PTER: variants seen among roughly 807,000 people sequenced by gnomAD.
The protein encoded by PTER is phosphotriesterase related, also known as N-acetyltaurine hydrolase.
Under a neutral mutation model 29.6 loss-of-function variants are expected in PTER, and 38 were observed. The ratio of observed to expected loss-of-function variants is 1.28; its 90% CI spans 0.99 to 1.68. The LOEUF (loss-of-function observed/expected upper bound fraction) is 1.68, where lower values mean the gene tolerates loss of function less well. Among genes scored for constraint, PTER ranks in the 40% most tolerant of loss-of-function variants. The pLI is 0.00. For synonymous variants in PTER, 172 were observed against 154.5 expected (o/e 1.11, Z -0.84); for missense variants, 482 against 427.8 (o/e 1.13, Z -1.12).
chr10:16,439,162 T>A (rs1040884254), intron 1 of PTER, among the ~76,000 whole-genome samples: 1 of 152,124 alleles, frequency 6.6e-6, no homozygotes, highest in Non-Finnish European at 1.5e-5. Flanking sequence ...CAAAGATCAA[T>A]AAATGTGTAT....
chr10:16,508,661 A>G (rs1021671709), intron 4 of PTER, among the ~76,000 whole-genome samples: 1 of 151,300 alleles, frequency 6.6e-6, no homozygotes, highest in African/African-American at 2.4e-5. Flanking sequence ...TGGAAATAAT[A>G]AAAATTATTA....
At chr10:16,459,277 G>C (rs187554707) in intron 1 of PTER, among the ~76,000 whole-genome samples, 143 of 152,232 alleles carry the variant, frequency 9.4e-4, no homozygotes, top group Admixed American at 1.0e-3. Context: ...ACGATTTTAC[G>C]TGTCACTTGG....
At chr10:16,468,321 G>A (rs1588601197) in intron 1 of PTER, among the ~76,000 whole-genome samples, 1 of 151,892 alleles carries the variant, frequency 6.6e-6, no homozygotes, top group African/African-American at 2.4e-5. Context: ...CAGCCTGGGT[G>A]ACAGAGCAAA....
the PTER span, among the ~76,000 whole-genome samples, chr10:16,518,769 G>T: frequency 1.3e-5 from 2 of 152,034 alleles, no homozygotes; most frequent in Non-Finnish European, 2.9e-5. Flanking sequence ...CAGCCCGATT[G>T]TATTTTCCAG....
At position 16,511,413 on chromosome 10, in the gene PTER, C is replaced by CTAT; in HGVS notation, c.*160_*162dup. On this transcript the variant is annotated 3_prime_UTR_variant, in exon 5 of 5. Transcript: ENST00000535784. ...GAGGGTTTGCCTTCTCTGAGACCAG[C>CTAT]TATTACAACTGTGCCTCTAGGGAGT... 1.5e-6 allele frequency: 1 copy of CTAT among 663,350 alleles called. No individual in the cohort carries two copies. The highest frequency in any genetic ancestry group is 1.9e-5 in the South Asian group (1 of 53,804). The allele number at this position is 663,350 out of a possible 1,614,324, so 41.1% of individuals were successfully genotyped here.
chr10:16,518,906 T>C, the PTER span, among the ~76,000 whole-genome samples: 3 of 152,068 alleles, frequency 2.0e-5, no homozygotes, highest in Non-Finnish European at 2.9e-5. Flanking sequence ...GTACAGTGAG[T>C]CCTGCCCGTT....
At chr10:16,510,532 A>T (rs1026553595) in intron 4 of PTER, among the ~76,000 whole-genome samples, 1 of 152,196 alleles carries the variant, frequency 6.6e-6, no homozygotes, top group African/African-American at 2.4e-5. Context: ...CTTGCAGACC[A>T]ACTGATTTTG....
chr10:16,470,650 C>G (rs574486721), intron 1 of PTER, among the ~76,000 whole-genome samples: 1 of 152,180 alleles, frequency 6.6e-6, no homozygotes, highest in East Asian at 1.9e-4. Flanking sequence ...TGCCCGTAAT[C>G]CCAGCTACTT....
chr10:16,463,668 G>A (rs1028055203), intron 1 of PTER, among the ~76,000 whole-genome samples: 5 of 151,754 alleles, frequency 3.3e-5, no homozygotes, highest in Admixed American at 6.6e-5. Flanking sequence ...CGCTCATCTC[G>A]GCTTCCCAAA....
At chr10:16,504,483 T>C (rs1180589572) in intron 3 of PTER, among the ~76,000 whole-genome samples, 1 of 152,204 alleles carries the variant, frequency 6.6e-6, no homozygotes, top group African/African-American at 2.4e-5. Flanking sequence ...GGGAATGATA[T>C]TCTTTAAAGG....
intron 1 of PTER, among the ~76,000 whole-genome samples, chr10:16,460,194 A>G (rs1393972258): frequency 6.6e-6 from 1 of 152,244 alleles, no homozygotes; most frequent in Non-Finnish European, 1.5e-5. Flanking sequence ...AGTGGAATTG[A>G]GATTAGGTCT....
At chr10:16,461,992 T>C (rs956052574) in intron 1 of PTER, among the ~76,000 whole-genome samples, 4 of 151,946 alleles carry the variant, frequency 2.6e-5, no homozygotes, top group Non-Finnish European at 5.9e-5. Flanking sequence ...CTAGGATTTT[T>C]TTTTTTTTTT....
intron 1 of PTER, among the ~76,000 whole-genome samples, chr10:16,458,297 A>G (rs1182707916): frequency 1.3e-5 from 2 of 152,130 alleles, no homozygotes; most frequent in African/African-American, 4.8e-5. Context: ...TGCAGTGACA[A>G]TGAGATGATT....
intron 4 of PTER, among the ~76,000 whole-genome samples, chr10:16,509,285 A>G (rs1408738840): frequency 6.7e-6 from 1 of 148,498 alleles, no homozygotes; most frequent in Non-Finnish European, 1.5e-5. Flanking sequence ...CCATAACGTT[A>G]TCTTTCTCAT....
intron 1 of PTER, among the ~76,000 whole-genome samples, chr10:16,462,420 CGTTTGT>C (rs1834647733): frequency 6.6e-6 from 1 of 151,818 alleles, no homozygotes; most frequent in African/African-American, 2.4e-5. Context: ...ATGATGGTGG[CGTTTGT>C]GTTTGTTTTT....
intron 4 of PTER, among the ~76,000 whole-genome samples, chr10:16,506,220 A>G (rs1836557200): frequency 6.6e-6 from 1 of 152,142 alleles, no homozygotes; most frequent in African/African-American, 2.4e-5. Flanking sequence ...GGCTTGAGAA[A>G]TGGGTGGGCC....
chr10:16,513,905 A>G (rs1836906460), downstream of PTER: 1 of 160,992 alleles, frequency 6.2e-6, no homozygotes, highest in Non-Finnish European at 1.4e-5. Context: ...AATTCATATA[A>G]GAAAAAGAAA....
intron 1 of PTER, among the ~76,000 whole-genome samples, chr10:16,476,907 T>C (rs542159832): frequency 4.9e-4 from 58 of 119,420 alleles, no homozygotes; most frequent in African/African-American, 2.1e-3. Flanking sequence ...AATTCTTTTT[T>C]TTTTTTTTTT....
At chr10:16,491,667 C>A (rs574189152) in intron 3 of PTER, among the ~76,000 whole-genome samples, 3 of 151,844 alleles carry the variant, frequency 2.0e-5, no homozygotes, top group South Asian at 2.1e-4. Context: ...ACATTAAAAA[C>A]CAAAAAAAAA....
Sources: gnomAD v4.1 joint callset for allele counts (sites outside exome capture counted in the v4.1 genomes callset) on GRCh38, gnomAD v4.1.1 for gene constraint, MANE v1.5 for transcripts, NCBI Gene and HGNC (gene_info 2026-07-23, HGNC 2026-07-21) for gene names.